Variants in ANK3 observed in about 807,000 individuals in gnomAD.
ANK3 encodes the protein ankyrin-3.
In ANK3, 57 loss-of-function variants were observed where a neutral mutation model predicts 370.9. The observed-to-expected ratio is 0.15, with a 90% CI of 0.12 to 0.19. The LOEUF (loss-of-function observed/expected upper bound fraction) is 0.19. Ranked by LOEUF, ANK3 falls within the 10% of genes least tolerant of loss-of-function variation. The pLI is 1.00. For synonymous variants in ANK3, 1,929 were observed against 1,946.3 expected (o/e 0.99, Z 0.23); for missense variants, 4,439 against 5,302.1 (o/e 0.84, Z 5.06).
At chr10:60,164,932 G>A (rs1357031322) in intron 23 of ANK3, among the ~76,000 whole-genome samples, 1 of 152,128 alleles carries the variant, frequency 6.6e-6, no homozygotes, top group Non-Finnish European at 1.5e-5. Context: ...TGCATAAAAT[G>A]AGAATTTAAA....
intron 1 of ANK3, among the ~76,000 whole-genome samples, chr10:60,375,224 AGGG>A (rs1395929868): frequency 1.3e-5 from 2 of 152,214 alleles, no homozygotes; most frequent in Non-Finnish European, 2.9e-5. Context: ...CACGAGTACT[AGGG>A]GCACAACAGG....
chr10:60,578,108 T>C (rs2077704965), intron 2 of ANK3, among the ~76,000 whole-genome samples: 1 of 152,232 alleles, frequency 6.6e-6, no homozygotes, highest in African/African-American at 2.4e-5. Flanking sequence ...CATTGAACAC[T>C]TCAACCAGGT....
intron 23 of ANK3, chr10:60,144,058 C>T (rs1013109995): frequency 2.6e-5 from 7 of 269,240 alleles, no homozygotes; most frequent in South Asian, 9.5e-5. Context: ...TGAATGAAGA[C>T]ACCATCTTGG....
At chr10:60,248,492 A>C (rs995949143) in intron 7 of ANK3, among the ~76,000 whole-genome samples, 2 of 152,234 alleles carry the variant, frequency 1.3e-5, no homozygotes, top group African/African-American at 2.4e-5. Flanking sequence ...TAAATGCCTA[A>C]TTCCTGTAGA....
chr10:60,456,321 ACT>A (rs1215401582), intron 2 of ANK3, among the ~76,000 whole-genome samples: 1 of 152,082 alleles, frequency 6.6e-6, no homozygotes, highest in East Asian at 1.9e-4. Context: ...GGAATGAATC[ACT>A]CTATTTCCTA....
At chr10:60,305,681 C>T (rs987352125) in intron 1 of ANK3, among the ~76,000 whole-genome samples, 1 of 152,188 alleles carries the variant, frequency 6.6e-6, no homozygotes, top group African/African-American at 2.4e-5. Context: ...TACAATTATA[C>T]GAAATAAGAA....
At chr10:60,076,740 G>A (rs956006242) in intron 36 of ANK3, among the ~76,000 whole-genome samples, 7 of 152,108 alleles carry the variant, frequency 4.6e-5, no homozygotes, top group African/African-American at 1.7e-4. Flanking sequence ...ATGAAAAATA[G>A]AAAACATGAG....
chr10:60,676,734 AT>A (rs1304868738), intron 1 of ANK3, among the ~76,000 whole-genome samples: 5 of 152,322 alleles, frequency 3.3e-5, no homozygotes, highest in African/African-American at 9.6e-5. Context: ...GTGATTCCTT[AT>A]TCATTCAAAA....
intron 2 of ANK3, among the ~76,000 whole-genome samples, chr10:60,571,336 TATTCAA>T (rs1241132372): frequency 6.6e-6 from 1 of 152,174 alleles, no homozygotes; most frequent in Non-Finnish European, 1.5e-5. Flanking sequence ...AAGAACATCA[TATTCAA>T]ATTAACCTTT....
At chr10:60,198,787 C>G (rs78173462) in intron 13 of ANK3, among the ~76,000 whole-genome samples, 16,020 of 152,090 alleles carry the variant, frequency 0.11, 1,202 homozygotes, top group East Asian at 0.29. Context: ...CTATAAATTA[C>G]ACCCCACCCA....
intron 2 of ANK3, among the ~76,000 whole-genome samples, chr10:60,406,276 C>T (rs573340130): frequency 2.0e-5 from 3 of 152,296 alleles, no homozygotes; most frequent in South Asian, 4.1e-4. Flanking sequence ...TTTACAAAAA[C>T]AGGCAGGCAC....
intron 2 of ANK3, among the ~76,000 whole-genome samples, chr10:60,469,006 T>C (rs1447849680): frequency 9.3e-6 from 1 of 107,970 alleles, no homozygotes; most frequent in Non-Finnish European, 2.0e-5. Flanking sequence ...TGTATATATA[T>C]ATATATATAT....
chr10:60,096,052 T>C (rs981518088), intron 28 of ANK3, among the ~76,000 whole-genome samples: 4 of 152,196 alleles, frequency 2.6e-5, no homozygotes, highest in Admixed American at 6.5e-5. Flanking sequence ...TAGGTGCCTG[T>C]AATCCCAGCT....
rs12252954 is a variant in ANK3 at position 60,452,821 on chromosome 10, T to C, written c.96+162365A>G. Among the ~76,000 whole-genome samples the C allele has an allele frequency of 6.4e-3, 980 of 152,348 alleles. 12 individuals carry two copies. The highest frequency in any genetic ancestry group is 0.023 in the African/African-American group (950 of 41,572). On this transcript the variant is annotated intron_variant, in intron 2 of 43. Coordinates refer to the ANK3 transcript ENST00000373827. ...TAGTTGTGCTGGGAAGGCTTGTTTG[T>C]TCTGTGGCTACTGGAAAGTTCCACA...
intron 1 of ANK3, among the ~76,000 whole-genome samples, chr10:60,668,331 C>T (rs1020746534): frequency 1.3e-5 from 2 of 151,480 alleles, no homozygotes; most frequent in African/African-American, 4.9e-5. Context: ...AACATAAGAA[C>T]TACTGAGGAA....
At chr10:60,550,723 CAG>C (rs2133231866) in intron 2 of ANK3, among the ~76,000 whole-genome samples, 1 of 152,202 alleles carries the variant, frequency 6.6e-6, no homozygotes, top group Admixed American at 6.5e-5. Context: ...AGCATGAACA[CAG>C]CGCATTCTGG....
At chr10:60,034,654 G>T (rs936490382) in intron 43 of ANK3, among the ~76,000 whole-genome samples, 1 of 152,044 alleles carries the variant, frequency 6.6e-6, no homozygotes, top group African/African-American at 2.4e-5. Context: ...TTTCCCTAAT[G>T]AAATCCACCT....
At chr10:60,455,231 T>G (rs1011825975) in intron 2 of ANK3, among the ~76,000 whole-genome samples, 8 of 152,308 alleles carry the variant, frequency 5.3e-5, no homozygotes, top group African/African-American at 1.7e-4. Context: ...TACTCCCAAA[T>G]TTCAAACTAG....
At chr10:60,096,784 C>T (rs772631040) in intron 28 of ANK3, among the ~76,000 whole-genome samples, 43 of 152,210 alleles carry the variant, frequency 2.8e-4, no homozygotes, top group South Asian at 6.2e-4. Context: ...ATATTCATTA[C>T]TTTTATATGG....
Sources: allele counts gnomAD v4.1 joint callset (sites outside exome capture counted in the v4.1 genomes callset), GRCh38; gene constraint gnomAD v4.1.1; transcripts MANE v1.5; gene names NCBI Gene and HGNC (gene_info 2026-07-23, HGNC 2026-07-21).